The following ZHX2 variants were observed in gnomAD, a reference collection of about 807,000 sequenced individuals.
The protein encoded by ZHX2 is zinc fingers and homeoboxes 2, also known as zinc fingers and homeoboxes protein 2.
ZHX2 carries 6 observed loss-of-function variants against 21.9 expected under a neutral mutation model. The ratio of observed to expected loss-of-function variants is 0.27; its 90% CI spans 0.15 to 0.54. The LOEUF (loss-of-function observed/expected upper bound fraction) is 0.54. Ranked by LOEUF, ZHX2 falls within the 20% of genes least tolerant of loss-of-function variation. ZHX2 has a pLI of 0.95. For synonymous variants in ZHX2, 434 were observed against 437.1 expected, an observed-to-expected ratio of 0.99 and a Z score of 0.09; for missense variants, 908 against 1,090.7, an observed-to-expected ratio of 0.83 and a Z score of 2.36.
At chr8:122,901,003 G>T (rs924163324) in intron 2 of ZHX2, among the ~76,000 whole-genome samples, 1 of 152,048 alleles carries the variant, frequency 6.6e-6, no homozygotes, top group African/African-American at 2.4e-5. Context: ...TATATTCTCA[G>T]GAGTATGAAG....
At chr8:122,839,637 T>G (rs1818579257) in intron 1 of ZHX2, among the ~76,000 whole-genome samples, 1 of 152,196 alleles carries the variant, frequency 6.6e-6, no homozygotes, top group Non-Finnish European at 1.5e-5. Flanking sequence ...TTCCTAAAAG[T>G]CCACAATACA....
chr8:122,945,436 C>CAAAAAAAAAAAAAAAAAAAAAAA (rs60890533), intron 2 of ZHX2, among the ~76,000 whole-genome samples: 3 of 73,678 alleles, frequency 4.1e-5, no homozygotes, highest in African/African-American at 6.3e-5. Flanking sequence ...CCTGTCTCTG[C>CAAAAAAAAAAAAAAAAAAAAAAA]AAAAAAAAAA....
intron 1 of ZHX2, among the ~76,000 whole-genome samples, chr8:122,837,141 AC>A (rs1157926562): frequency 6.6e-6 from 1 of 152,056 alleles, no homozygotes; most frequent in Non-Finnish European, 1.5e-5. Context: ...TGAAGAATCC[AC>A]CCCTTGTTTA....
intron 2 of ZHX2, among the ~76,000 whole-genome samples, chr8:122,932,460 C>T (rs1821017324): frequency 6.6e-6 from 1 of 152,204 alleles, no homozygotes; most frequent in African/African-American, 2.4e-5. Context: ...GTTCCTTCTC[C>T]ATCTTCAAAG....
At chr8:122,877,608 A>G (rs751055489) in intron 2 of ZHX2, among the ~76,000 whole-genome samples, 1 of 152,184 alleles carries the variant, frequency 6.6e-6, no homozygotes, top group Non-Finnish European at 1.5e-5. Flanking sequence ...CCTCATCAAA[A>G]CACGAACTAC....
intron 1 of ZHX2, chr8:122,815,830 T>G (rs1178822072): frequency 6.6e-6 from 1 of 152,254 alleles, no homozygotes; most frequent in Non-Finnish European, 1.5e-5. Context: ...GCTCATGCCC[T>G]GTAATCCCAG....
intron 2 of ZHX2, among the ~76,000 whole-genome samples, chr8:122,897,045 G>T (rs1437111326): frequency 1.3e-5 from 2 of 152,180 alleles, no homozygotes; most frequent in Admixed American, 6.5e-5. Flanking sequence ...AGAAACTGAT[G>T]TCCTGAGCCT....
intron 2 of ZHX2, among the ~76,000 whole-genome samples, chr8:122,929,707 A>G (rs777546053): frequency 1.3e-5 from 2 of 151,882 alleles, no homozygotes; most frequent in African/African-American, 2.4e-5. Flanking sequence ...TCTCAAAGAC[A>G]TGGTTTTCGT....
chr8:122,827,134 C>T (rs1459561495), intron 1 of ZHX2, among the ~76,000 whole-genome samples: 1 of 152,192 alleles, frequency 6.6e-6, no homozygotes, highest in Non-Finnish European at 1.5e-5. Context: ...ATCCTCCCAC[C>T]TCAGCCACCC....
intron 1 of ZHX2, among the ~76,000 whole-genome samples, chr8:122,848,295 C>G (rs1027391217): frequency 1.3e-5 from 2 of 152,130 alleles, no homozygotes; most frequent in African/African-American, 4.8e-5. Flanking sequence ...CAGGCCACAA[C>G]ACCTCTTTTC....
chr8:122,954,093 G>C, intron 3 of ZHX2, 65 bp downstream of exon 3: 1 of 1,414,968 alleles, frequency 7.1e-7, no homozygotes, highest in East Asian at 2.5e-5. Context: ...CGTTGCCAGG[G>C]TTAATATAGA....
intron 1 of ZHX2, among the ~76,000 whole-genome samples, chr8:122,793,529 A>G (rs1255371961): frequency 6.6e-6 from 1 of 152,234 alleles, no homozygotes; most frequent in Non-Finnish European, 1.5e-5. Flanking sequence ...TGGGGCAGCC[A>G]TAGTGAGCCA....
intron 2 of ZHX2, among the ~76,000 whole-genome samples, chr8:122,918,289 G>A (rs1320289828): frequency 2.6e-5 from 4 of 152,208 alleles, no homozygotes; most frequent in Non-Finnish European, 5.9e-5. Context: ...ACCCATGTGT[G>A]CCAGGCACTG....
intron 2 of ZHX2, among the ~76,000 whole-genome samples, chr8:122,889,270 A>G: frequency 6.6e-6 from 1 of 152,166 alleles, no homozygotes; most frequent in Non-Finnish European, 1.5e-5. Flanking sequence ...ATTATATGGT[A>G]GTTCTATTTT....
chr8:122,872,672 G>T (rs1005397782), intron 2 of ZHX2, among the ~76,000 whole-genome samples: 2 of 152,194 alleles, frequency 1.3e-5, no homozygotes, highest in African/African-American at 4.8e-5. Context: ...ACTTAAGTTG[G>T]TATTTGATTA....
chr8:122,820,520 C>T (rs938832869), intron 1 of ZHX2, among the ~76,000 whole-genome samples: 2 of 152,188 alleles, frequency 1.3e-5, no homozygotes, highest in African/African-American at 4.8e-5. Context: ...AGTTAAAATT[C>T]AAGAGGACTG....
chr8:122,872,409 T>TCCAACCAGGCC (rs1819463427), intron 2 of ZHX2, among the ~76,000 whole-genome samples: 1 of 152,160 alleles, frequency 6.6e-6, no homozygotes, highest in Non-Finnish European at 1.5e-5. Flanking sequence ...AGGGGCAAGT[T>TCCAACCAGGCC]CCAACCAGGC....
intron 1 of ZHX2, among the ~76,000 whole-genome samples, chr8:122,814,554 T>G (rs114073243): frequency 2.0e-5 from 3 of 152,308 alleles, no homozygotes; most frequent in African/African-American, 7.2e-5. Context: ...ATGTGATTAT[T>G]TACAAGAAAA....
chr8:122,939,375 G>T (rs561310918), intron 2 of ZHX2, among the ~76,000 whole-genome samples: 11 of 134,362 alleles, frequency 8.2e-5, no homozygotes, highest in Admixed American at 2.2e-4. Flanking sequence ...ATGTGTAGAT[G>T]GTGGTGGAAT....
Sources: allele counts gnomAD v4.1 joint callset (sites outside exome capture counted in the v4.1 genomes callset), GRCh38; gene constraint gnomAD v4.1.1; transcripts MANE v1.5; gene names NCBI Gene and HGNC (gene_info 2026-07-23, HGNC 2026-07-21).